Variants in MED13 observed in about 807,000 individuals in gnomAD.
The protein encoded by MED13 is mediator complex subunit 13.
A neutral mutation model predicts 225.2 loss-of-function variants in MED13; 23 were observed. The ratio of observed to expected loss-of-function variants is 0.10; its 90% confidence interval spans 0.07 to 0.14. MED13 has a LOEUF of 0.14. Among genes scored for constraint, MED13 ranks in the 10% least tolerant of loss-of-function variants. The pLI, the probability that MED13 is intolerant of heterozygous loss-of-function variation, is 1.00. For missense variants in MED13, 2,197 were observed against 2,594.5 expected, an observed-to-expected ratio of 0.85 and a Z score of 3.33; for synonymous variants, 942 against 889.2, an observed-to-expected ratio of 1.06 and a Z score of -1.06.
chr17:62,011,537 G>A (rs1383642082), intron 8 of MED13, among the ~76,000 whole-genome samples: 3 of 152,050 alleles, frequency 2.0e-5, no homozygotes, highest in Admixed American at 6.6e-5. Flanking sequence ...TAAATATAGA[G>A]GTAAGATTCT....
chr17:62,006,156 C>A (rs1424539907), intron 9 of MED13: 1 of 151,316 alleles, frequency 6.6e-6, no homozygotes, highest in Non-Finnish European at 1.5e-5. Context: ...ACTACATAAA[C>A]AACAGGAGAG....
At chr17:62,022,496 G>T (rs907198398) in intron 8 of MED13, among the ~76,000 whole-genome samples, 3 of 151,870 alleles carry the variant, frequency 2.0e-5, no homozygotes, top group Admixed American at 6.6e-5. Flanking sequence ...TTTTAAAAAA[G>T]AGAGTTATCA....
At chr17:61,979,449 A>G (rs544779806) in intron 16 of MED13, among the ~76,000 whole-genome samples, 1 of 152,160 alleles carries the variant, frequency 6.6e-6, no homozygotes, top group Admixed American at 6.5e-5. Flanking sequence ...AGCTGAGACT[A>G]CAGGTGCATG....
Position 62,063,269 on chromosome 17 carries a change from A to T in MED13, c.99T>A (p.Tyr33Ter). 1 of 1,613,870 alleles carries T rather than the reference A, an allele frequency of 6.2e-7. No homozygotes were observed. The highest frequency in any genetic ancestry group is 2.2e-5 in the East Asian group (1 of 44,890). The change falls in exon 2 of 30, where the codon TAT (tyrosine) becomes TAA (stop). Residue 33 changes from tyrosine to a stop codon, truncating the protein, a stop_gained. Transcript: ENST00000397786. LOFTEE classifies it high-confidence loss of function. Reference sequence around the variant, plus strand: ...GGGCAGAAGTTGGGCCTTGCCATACATATTTTTTCCACTTAATTCCTGTCA... The same window carrying T: ...GGGCAGAAGTTGGGCCTTGCCATACTTATTTTTTCCACTTAATTCCTGTCA... ...ADLTGIKWKK[Y>*]VWQGPTSAPI...
intron 3 of MED13, among the ~76,000 whole-genome samples, chr17:62,044,059 A>G (rs1437462552): frequency 6.6e-6 from 1 of 152,156 alleles, no homozygotes; most frequent in Non-Finnish European, 1.5e-5. Flanking sequence ...ACCAAAGGAC[A>G]TCCTAACGCT....
At chr17:62,030,740 T>C (rs1006891318) in intron 6 of MED13, 4 of 152,290 alleles carry the variant, frequency 2.6e-5, no homozygotes, top group Admixed American at 1.3e-4. Flanking sequence ...TGTGTTTTTG[T>C]TTTAAAGGTA....
intron 9 of MED13, among the ~76,000 whole-genome samples, chr17:62,007,950 C>A (rs1258877796): frequency 7.0e-6 from 1 of 142,416 alleles, no homozygotes; most frequent in Non-Finnish European, 1.5e-5. Context: ...ACCCGGAAGG[C>A]AGAGCTTCCA....
At chr17:61,985,133 A>G (rs777788568) in intron 12 of MED13, 43 bp from the exon 13 acceptor site, 18 of 1,473,540 alleles carry the variant, frequency 1.2e-5, no homozygotes, top group Non-Finnish European at 1.7e-5. Flanking sequence ...TTTACATCCA[A>G]TGTGATCTCA....
chr17:61,970,508 C>T (rs2080097496), intron 17 of MED13, among the ~76,000 whole-genome samples: 1 of 151,424 alleles, frequency 6.6e-6, no homozygotes, highest in Admixed American at 6.6e-5. Flanking sequence ...TGGCAAAATC[C>T]CATCTCTAGT....
chr17:62,027,034 C>T (rs1603404647), intron 8 of MED13, among the ~76,000 whole-genome samples: 2 of 152,164 alleles, frequency 1.3e-5, no homozygotes, highest in South Asian at 4.1e-4. Flanking sequence ...GGATTCAATG[C>T]TATTCTTATC....
rs1378310391 is a variant in MED13 at position 61,960,996 on chromosome 17, C to T, written c.5351G>A (p.Gly1784Glu). 1 of 1,613,920 alleles carries T rather than the reference C, an allele frequency of 6.2e-7. No homozygotes were observed. Among genetic ancestry groups the T allele is most frequent in the Admixed American group, 1.7e-5 (1 of 60,002 alleles). ...CACAAAAAGAACATTATATTTCTGT[C>T]CAGCTTCTCCAAATGTTTCTCCTAG... ...TELGETFGEA[G>E]QKYNVLFVGY... Residue 1784 changes from glycine to glutamate, a missense_variant, in exon 23 of 30, where the codon GGA becomes GAA. By Grantham distance (98) the Gly-to-Glu change is moderately conservative. Transcript: ENST00000397786.
intron 11 of MED13, among the ~76,000 whole-genome samples, chr17:61,990,299 C>G (rs1233960854): frequency 6.6e-6 from 1 of 151,922 alleles, no homozygotes; most frequent in Non-Finnish European, 1.5e-5. Context: ...CATACACACA[C>G]ATATACACAC....
At position 62,065,076 on chromosome 17, in the gene MED13, C is replaced by T; in HGVS notation, c.66+64G>A. The T allele has an allele frequency of 4.2e-6, 6 of 1,429,080 alleles. No individual in the cohort carries two copies. In the East Asian group the frequency reaches 1.5e-4, roughly 35 times the overall value. 88.5% of individuals were successfully genotyped at this position (1,429,080 alleles called of 1,614,324 possible). On this transcript the variant is annotated intron_variant, in intron 1 of 29. Coordinates refer to ENST00000397786, the MANE Select transcript of MED13 (RefSeq NM_005121.3). ...ATCTGGACCAGACCCGGCCCCCTCC[C>T]CCACGGCCCAAGGGCGCACCTCGCG...
At chr17:62,044,227 T>C (rs1264349070) in intron 3 of MED13, among the ~76,000 whole-genome samples, 1 of 151,144 alleles carries the variant, frequency 6.6e-6, no homozygotes, top group Admixed American at 6.6e-5. Flanking sequence ...TTTCATTTAC[T>C]TCCTTAAAAA....
chr17:62,042,511 G>A (rs562496756), intron 3 of MED13, among the ~76,000 whole-genome samples: 3 of 137,070 alleles, frequency 2.2e-5, no homozygotes, highest in African/African-American at 5.6e-5. Context: ...GCAATGAGCC[G>A]AGATTGCGCC....
In MED13 at chr17:62,033,816, T is replaced by G. The variant is rs746279057; in HGVS notation, c.785A>C (p.Asp262Ala). The stretch of plus-strand genomic sequence containing the variant: ...AAGAACTTCTACTGCAGCTAAAGAA[T>G]CATCTTCCCAATCCATATCTTCCTG... ...EKQEDMDWED[D>A]SLAAVEVLVA... The change falls in exon 5 of 30, where the codon GAT becomes GCT. Residue 262 changes from aspartate (D) to alanine (A), a missense_variant. Transcript: ENST00000397786. 6.2e-7 allele frequency: 1 copy of G among 1,613,980 alleles called. No individual in the cohort carries two copies. Among genetic ancestry groups the G allele is most frequent in the African/African-American group, 1.3e-5 (1 of 74,942 alleles).
chr17:62,000,924 A>G (rs540707460), intron 9 of MED13, among the ~76,000 whole-genome samples: 2 of 152,042 alleles, frequency 1.3e-5, no homozygotes, highest in Admixed American at 6.6e-5. Flanking sequence ...CACCACGCCC[A>G]GCTAATTTTT....
chr17:62,048,049 T>TATACATATAC (rs1568000986), intron 3 of MED13, among the ~76,000 whole-genome samples: 6 of 112,758 alleles, frequency 5.3e-5, no homozygotes, highest in African/African-American at 2.0e-4. Context: ...TATACATATA[T>TATACATATAC]ATATATATAT....
intron 16 of MED13, among the ~76,000 whole-genome samples, chr17:61,975,184 T>C (rs1358050323): frequency 6.7e-6 from 1 of 148,310 alleles, no homozygotes; most frequent in African/African-American, 2.5e-5. Flanking sequence ...CAGGAGAAAA[T>C]ATATGCAAAT....
Sources: allele counts gnomAD v4.1 joint callset (sites outside exome capture counted in the v4.1 genomes callset), GRCh38; gene constraint gnomAD v4.1.1; transcripts MANE v1.5; gene names NCBI Gene and HGNC (gene_info 2026-07-23, HGNC 2026-07-21).